The following PAQR6 variants were observed in gnomAD, a reference collection of about 807,000 sequenced individuals.
PAQR6 encodes membrane progestin receptor delta.
Under a neutral mutation model 36.2 loss-of-function variants are expected in PAQR6, and 34 were observed. That is an observed-to-expected ratio of 0.94 (90% CI 0.71 to 1.25). PAQR6 has a LOEUF of 1.25. PAQR6 is among the 50% of genes most tolerant of loss of function. The probability of loss-of-function intolerance (pLI) is 0.00; values close to 1 mark genes in which losing one functional copy is unlikely to be tolerated. For synonymous variants in PAQR6, 190 were observed against 190.7 expected (o/e 1.00, Z 0.03); for missense variants, 431 against 445.7 (o/e 0.97, Z 0.30).
In PAQR6 at chr1:156,245,291, T is replaced by A. The variant is rs1558213923; in HGVS notation, c.513-53A>T. ...ACCATCGCTGTGCTTGGGGTAGGGG[T>A]CAGAGAAAGGCAAGAGGACTTGGGC... On this transcript the variant is annotated intron_variant, in intron 5 of 7. Coordinates refer to ENST00000292291, the MANE Select transcript of PAQR6 (RefSeq NM_198406.3). 19 of 1,538,292 alleles carry A rather than the reference T, an allele frequency of 1.2e-5. No individual in the cohort carries two copies. In the South Asian group the frequency reaches 2.1e-4, roughly 17 times the overall value.
At position 156,243,568 on chromosome 1, in the gene PAQR6, A is replaced by G. The variant is rs996784489; in HGVS notation, c.*561T>C. The stretch of plus-strand genomic sequence containing the variant: ...CAAACCATCCATAATGCACCCAGAT[A>G]GGCCCACCCCCAAAAGCCTGGACAC... On this transcript the variant is annotated 3_prime_UTR_variant, in exon 8 of 8. Coordinates refer to ENST00000292291, the MANE Select transcript of PAQR6 (RefSeq NM_198406.3). The G allele has an allele frequency of 3.1e-5, 15 of 482,686 alleles. No homozygotes were observed. Among genetic ancestry groups the G allele is most frequent in the Non-Finnish European group, 4.7e-5 (13 of 274,730 alleles). 29.9% of individuals were successfully genotyped at this position (482,686 alleles called of 1,614,324 possible).
Position 156,244,308 on chromosome 1 carries a change from G to T in PAQR6, c.856C>A (p.Leu286Met). ...LADMGSRRAW[L>M]ATQEPALGLA... ...CCCAGGGCAGGTTCCTGTGTGGCCA[G>T]CCAGGCTCTGCGTGATCCCATATCA... Residue 286 changes from leucine to methionine, a missense_variant, in exon 8 of 8, where the codon CTG becomes ATG. Coordinates refer to ENST00000292291, the MANE Select transcript of PAQR6 (RefSeq NM_198406.3). The T allele has an allele frequency of 6.2e-7, 1 of 1,612,506 alleles. No homozygotes were observed.
intron 5 of PAQR6, 26 bp from the exon 6 acceptor site, chr1:156,245,264 T>C: frequency 1.9e-6 from 3 of 1,594,464 alleles, no homozygotes; most frequent in Non-Finnish European, 2.6e-6. Context: ...AAAAGGCCGG[T>C]CACCATCGCT....
Position 156,245,774 on chromosome 1 carries a change from C to A in PAQR6, c.385+8G>T. ...CAGACCCCGCGCTCCCGCGCCTGTC[C>A]GGCTCACCCAGACTGTAGAGGCTGA... On this transcript the variant is annotated splice_region_variant and intron_variant, in intron 4 of 7. Transcript: ENST00000292291. The A allele has an allele frequency of 6.3e-7, 1 of 1,584,508 alleles. No homozygotes were observed.
At position 156,243,807 on chromosome 1, in the gene PAQR6, GA is replaced by G; in HGVS notation, c.*321del. 6.6e-7 allele frequency: 1 copy of G among 1,520,540 alleles called. No homozygotes were observed. Among genetic ancestry groups the G allele is most frequent in the Non-Finnish European group, 8.8e-7 (1 of 1,133,748 alleles). The allele number at this position is 1,520,540 out of a possible 1,614,324, so 94.2% of individuals were successfully genotyped here. ...AGAAGCACCAGAAACGGAGCCAGAT[GA>G]AAGGACCCCAACACCTCCCCCCGCC... On this transcript the variant is annotated 3_prime_UTR_variant, in exon 8 of 8. Transcript: ENST00000292291.
chr1:156,245,036 G>A, intron 6 of PAQR6, 106 bp downstream of exon 6: 2 of 1,597,134 alleles, frequency 1.3e-6, no homozygotes, highest in Non-Finnish European at 1.7e-6. Context: ...CCCCAAGAGA[G>A]GCGGCTGGGC....
Position 156,244,789 on chromosome 1 carries a change from C to G in PAQR6, c.732G>C (p.Arg244Ser), listed in dbSNP as rs1204958928. ...TGTAATCAAAGCGTCCTGGTGCCAG[C>G]CTTTCAGGCAGGTGGGAGGCGAAGA... The part of the protein sequence containing the change: ...GFLFASHLPE[R>S]LAPGRFDYIG... Residue 244 changes from arginine to serine, a missense_variant, in exon 7 of 8, where the codon AGG (arginine) becomes AGC (serine). Coordinates refer to ENST00000292291, the MANE Select transcript of PAQR6 (RefSeq NM_198406.3). 2 of 1,613,616 alleles carry G rather than the reference C, an allele frequency of 1.2e-6. No homozygotes were observed. The highest frequency in any genetic ancestry group is 1.3e-5 in the African/African-American group (1 of 74,930).
In PAQR6 at chr1:156,245,175, T is replaced by G. The variant is rs1660163913; in HGVS notation, c.576A>C (p.Pro192=). 1 of 1,613,902 alleles carries G rather than the reference T, an allele frequency of 6.2e-7. No homozygotes were observed. Among genetic ancestry groups the G allele is most frequent in the African/African-American group, 1.3e-5 (1 of 74,876 alleles). ...KVLRTGAFAY[P]FLFDNLPLFY... is the part of the protein sequence containing the mutation. ...AGAGTGGGAGGTTGTCGAACAGGAA[T>G]GGATAGGCGAAGGCTCCTGTGCGGA... The change falls in exon 6 of 8, where the codon CCA becomes CCC. Residue 192 remains proline (P), a synonymous_variant. Transcript: ENST00000292291.
chr1:156,246,277 C>T (rs376857878), intron 2 of PAQR6, 27 bp from the exon 3 acceptor site: 2 of 1,578,108 alleles, frequency 1.3e-6, no homozygotes, highest in Non-Finnish European at 1.7e-6. Context: ...AGAGGAAGGG[C>T]GTCACTGTGC....
In PAQR6 at chr1:156,243,470, A is replaced by C; in HGVS notation, c.*659T>G. 2.1e-6 allele frequency: 1 copy of C among 470,222 alleles called. No homozygotes were observed. Among genetic ancestry groups the C allele is most frequent in the Non-Finnish European group, 3.8e-6 (1 of 266,422 alleles). The allele number at this position is 470,222 out of a possible 1,614,324, so 29.1% of individuals were successfully genotyped here. A position where few individuals can be genotyped will look rare whatever the true frequency, so the allele number is the denominator to read the frequency against. Reference sequence around the variant, plus strand: ...ACCTGCCTTGTTCCAGAAAACGTTGAAGGTGGCTTCCCAAAGTCTAACTAG... The same window carrying C: ...ACCTGCCTTGTTCCAGAAAACGTTGCAGGTGGCTTCCCAAAGTCTAACTAG... On this transcript the variant is annotated 3_prime_UTR_variant, in exon 8 of 8. Coordinates refer to ENST00000292291, the MANE Select transcript of PAQR6 (RefSeq NM_198406.3).
chr1:156,246,854 G>T, intron 1 of PAQR6, 98 bp from the exon 2 acceptor site: 1 of 1,016,868 alleles, frequency 9.8e-7, no homozygotes, highest in Non-Finnish European at 1.4e-6. Context: ...GCGTGTGGGA[G>T]GCAGATGGCA....
chr1:156,243,763 G>T lies in PAQR6; in HGVS notation c.*366C>A. 2.8e-6 allele frequency: 4 copies of T among 1,415,242 alleles called. No individual in the cohort carries two copies. Among genetic ancestry groups the T allele is most frequent in the Non-Finnish European group, 3.8e-6 (4 of 1,050,436 alleles). 87.7% of individuals were successfully genotyped at this position (1,415,242 alleles called of 1,614,324 possible). ...AGGTTAGTCGTGTTAGTTCTTCCCT[G>T]TGCTGAGCAGAGACTTCCAGAAGCA... On this transcript the variant is annotated 3_prime_UTR_variant, in exon 8 of 8. Transcript: ENST00000292291.
In PAQR6 at chr1:156,244,783, T is replaced by C. The variant is rs1267556648; in HGVS notation, c.738A>G (p.Ala246=). 3 of 1,613,700 alleles carry C rather than the reference T, an allele frequency of 1.9e-6. No homozygotes were observed. Among genetic ancestry groups the C allele is most frequent in the Admixed American group, 1.7e-5 (1 of 60,022 alleles). Residue 246 remains alanine (A), a synonymous_variant, in exon 7 of 8, where the codon GCA becomes GCG. Coordinates refer to ENST00000292291, the MANE Select transcript of PAQR6 (RefSeq NM_198406.3). The part of the protein sequence containing the change: ...LFASHLPERL[A]PGRFDYIGHS... ...CACCGATGTAATCAAAGCGTCCTGG[T>C]GCCAGCCTTTCAGGCAGGTGGGAGG...
chr1:156,245,007 AG>A, intron 6 of PAQR6, 96 bp from the exon 7 acceptor site: 1 of 1,595,170 alleles, frequency 6.3e-7, no homozygotes, highest in South Asian at 1.1e-5. Context: ...GGGCGGGCAC[AG>A]CTAGGCGGGG....
chr1:156,247,249 G>T (rs1275771256), intron 1 of PAQR6, among the ~76,000 whole-genome samples: 1 of 152,234 alleles, frequency 6.6e-6, no homozygotes, highest in Non-Finnish European at 1.5e-5. Context: ...GGAGGTAGGG[G>T]GATGCCTGGC....
Position 156,243,545 on chromosome 1 carries a change from A to G in PAQR6, c.*584T>C. The G allele has an allele frequency of 2.1e-6, 1 of 472,292 alleles. No individual in the cohort carries two copies. The highest frequency in any genetic ancestry group is 3.7e-6 in the Non-Finnish European group (1 of 267,440). 29.3% of individuals were successfully genotyped at this position (472,292 alleles called of 1,614,324 possible). The stretch of plus-strand genomic sequence containing the variant: ...CTCCTCCCCACACCTCAATCCACCA[A>G]ACCATCCATAATGCACCCAGATAGG... On this transcript the variant is annotated 3_prime_UTR_variant, in exon 8 of 8. Coordinates refer to ENST00000292291, the MANE Select transcript of PAQR6 (RefSeq NM_198406.3).
In PAQR6 at chr1:156,244,879, A is replaced by G; in HGVS notation, c.642T>C (p.Cys214=). 6.2e-7 allele frequency: 1 copy of G among 1,613,064 alleles called. No individual in the cohort carries two copies. Among genetic ancestry groups the G allele is most frequent in the Non-Finnish European group, 8.5e-7 (1 of 1,179,974 alleles). The change falls in exon 7 of 8, where the codon TGT becomes TGC. Residue 214 remains cysteine (C), a synonymous_variant. Transcript: ENST00000292291. The part of the protein sequence containing the change: ...LGLCWGRGHG[C]GQEALSTSHG... The stretch of plus-strand genomic sequence containing the variant: ...GGCTGGTGCTCAGGGCCTCCTGCCC[A>G]CAGCCGTGGCCCCTGCCCCAGCACA...
intron 5 of PAQR6, 121 bp from the exon 6 acceptor site, chr1:156,245,359 A>G: frequency 1.5e-6 from 2 of 1,360,006 alleles, no homozygotes; most frequent in Non-Finnish European, 2.1e-6. Context: ...GAAAACCGTT[A>G]GGGCATATGA....
At chr1:156,244,451 T>A in intron 7 of PAQR6, 48 bp from the exon 8 acceptor site, 1 of 1,452,312 alleles carries the variant, frequency 6.9e-7, no homozygotes, top group Non-Finnish European at 9.1e-7. Flanking sequence ...CCAGTGCAAG[T>A]CACCCCATCC....
Sources: allele counts gnomAD v4.1 joint callset (sites outside exome capture counted in the v4.1 genomes callset), GRCh38; gene constraint gnomAD v4.1.1; transcripts MANE v1.5; gene names NCBI Gene and HGNC (gene_info 2026-07-23, HGNC 2026-07-21).